RANBP2: variants seen among roughly 807,000 people sequenced by gnomAD.
The protein encoded by RANBP2 is RAN binding protein 2.
RANBP2 carries 57 observed loss-of-function variants against 303.6 expected under a neutral mutation model. The ratio of observed to expected loss-of-function variants is 0.19; its 90% CI spans 0.15 to 0.23. RANBP2 has a LOEUF of 0.23. Among genes scored for constraint, RANBP2 ranks in the 10% least tolerant of loss-of-function variants. The probability of loss-of-function intolerance (pLI) is 1.00; values close to 1 mark genes in which losing one functional copy is unlikely to be tolerated. For synonymous variants in RANBP2, 1,167 were observed against 1,301.5 expected (o/e 0.90, Z 2.23); for missense variants, 3,138 against 3,780.8 (o/e 0.83, Z 4.46).
chr2:108,811,383 T>G, the RANBP2 span, among the ~76,000 whole-genome samples: 2 of 151,746 alleles, frequency 1.3e-5, no homozygotes, highest in African/African-American at 4.8e-5. Context: ...TAGCTGGGAC[T>G]GCAGGCATGC....
the RANBP2 span, among the ~76,000 whole-genome samples, chr2:109,402,670 G>A: frequency 6.6e-6 from 1 of 152,212 alleles, no homozygotes; most frequent in African/African-American, 2.4e-5. Flanking sequence ...TGACTGACAG[G>A]ATGAATTCTT....
At chr2:109,269,803 A>C in the RANBP2 span, among the ~76,000 whole-genome samples, 1 of 152,164 alleles carries the variant, frequency 6.6e-6, no homozygotes. Context: ...ATAGTTACCA[A>C]GATACTTGTG....
chr2:109,056,285 G>T, the RANBP2 span, among the ~76,000 whole-genome samples: 2 of 152,262 alleles, frequency 1.3e-5, no homozygotes, highest in Non-Finnish European at 2.9e-5. Flanking sequence ...TCCTGCCTCA[G>T]CCTGTGGAGT....
the RANBP2 span, among the ~76,000 whole-genome samples, chr2:109,063,436 C>T: frequency 6.6e-6 from 1 of 152,186 alleles, no homozygotes; most frequent in Non-Finnish European, 1.5e-5. Flanking sequence ...GCCTTTCCTT[C>T]AGCAGGCATG....
the RANBP2 span, among the ~76,000 whole-genome samples, chr2:108,832,075 G>T: frequency 1.3e-5 from 2 of 151,462 alleles, no homozygotes; most frequent in Non-Finnish European, 2.9e-5. Context: ...TGTCGCCCAG[G>T]CTGGAGTGCA....
Position 108,751,145 on chromosome 2 carries a change from G to T in RANBP2, c.1274-119G>T, listed in dbSNP as rs1573767329. 38 of 1,511,494 alleles carry T rather than the reference G, an allele frequency of 2.5e-5. No homozygotes were observed. The East Asian group carries it at 8.8e-4, about 35-fold the overall frequency. 93.6% of individuals were successfully genotyped at this position (1,511,494 alleles called of 1,614,324 possible). A position where few individuals can be genotyped will look rare whatever the true frequency, so the allele number is the denominator to read the frequency against. On this transcript the variant is annotated intron_variant, in intron 9 of 28. Coordinates refer to ENST00000283195, the MANE Select transcript of RANBP2 (RefSeq NM_006267.5). Reference sequence around the variant, plus strand: ...CTAACATAGAATTCCCTTCAGCTTTGATATAGAAAAGCAGTTATATAATTA... The same window carrying T: ...CTAACATAGAATTCCCTTCAGCTTTTATATAGAAAAGCAGTTATATAATTA...
At chr2:109,741,463 A>T in the RANBP2 span, among the ~76,000 whole-genome samples, 24 of 149,110 alleles carry the variant, frequency 1.6e-4, no homozygotes, top group African/African-American at 4.7e-4. Context: ...CCACGCCTGT[A>T]ATCCCAGCAT....
chr2:109,431,544 T>C, the RANBP2 span, among the ~76,000 whole-genome samples: 1 of 152,328 alleles, frequency 6.6e-6, no homozygotes, highest in Admixed American at 6.5e-5. Flanking sequence ...ATCTAAACCC[T>C]AAGCTGGGAT....
At chr2:108,742,767 C>T (rs1696215289) in intron 7 of RANBP2, among the ~76,000 whole-genome samples, 1 of 152,066 alleles carries the variant, frequency 6.6e-6, no homozygotes, top group South Asian at 2.1e-4. Context: ...TATAGAAATT[C>T]TCAAGTAACT....
the RANBP2 span, among the ~76,000 whole-genome samples, chr2:109,383,999 C>A: frequency 6.6e-6 from 1 of 152,216 alleles, no homozygotes; most frequent in Non-Finnish European, 1.5e-5. Flanking sequence ...TGGCCCCTCA[C>A]AAATGAAGGC....
chr2:108,766,987 C>T lies in RANBP2; in HGVS notation c.6448C>T (p.Pro2150Ser), dbSNP rs764072447. The part of the protein sequence containing the change: ...EECQRLLLDI[P>S]LQTPHKLVDT... ...ATGCCAGCGGCTTCTGTTAGACATA[C>T]CACTTCAAACTCCCCATAAACTTGT... is the stretch of plus-strand genomic sequence containing the variant. Residue 2150 changes from proline to serine, a missense_variant, in exon 20 of 29, where the codon CCA (proline) becomes TCA (serine). Physicochemically the swap from Pro to Ser is moderately conservative, Grantham distance 74 (BLOSUM62 -1). This residue lies in a region of RANBP2 where 103 missense variants were observed against 214.3 expected (regional missense o/e 0.48). Transcript: ENST00000283195. 27 of 1,609,210 alleles carry T rather than the reference C, an allele frequency of 1.7e-5. No homozygotes were observed. Among genetic ancestry groups the T allele is most frequent in the Non-Finnish European group, 2.3e-5 (27 of 1,179,832 alleles).
At chr2:109,080,569 A>G in the RANBP2 span, among the ~76,000 whole-genome samples, 5 of 152,194 alleles carry the variant, frequency 3.3e-5, no homozygotes, top group African/African-American at 1.2e-4. Context: ...TGGACAGGAC[A>G]TCTACAAATG....
At chr2:108,959,993 GC>G in the RANBP2 span, among the ~76,000 whole-genome samples, 1 of 152,204 alleles carries the variant, frequency 6.6e-6, no homozygotes, top group Non-Finnish European at 1.5e-5. Context: ...CTAGTCTGCA[GC>G]CACTCAGTCA....
chr2:109,293,282 C>T, the RANBP2 span, among the ~76,000 whole-genome samples: 81 of 151,880 alleles, frequency 5.3e-4, no homozygotes, highest in African/African-American at 1.8e-3. Flanking sequence ...CTAAAAATAC[C>T]CAGCACTGCA....
the RANBP2 span, among the ~76,000 whole-genome samples, chr2:108,975,457 C>A: frequency 3.9e-5 from 6 of 152,152 alleles, no homozygotes; most frequent in Admixed American, 2.0e-4. Context: ...GAGAGCAAGA[C>A]CTGCGTCTAC....
downstream of RANBP2, chr2:108,788,987 A>G: frequency 6.2e-7 from 1 of 1,613,138 alleles, no homozygotes; most frequent in Non-Finnish European, 8.5e-7. Flanking sequence ...CTGAAACTTT[A>G]CTGTTGCTAC....
chr2:109,255,973 G>T, the RANBP2 span, among the ~76,000 whole-genome samples: 3,020 of 152,310 alleles, frequency 0.02, 110 homozygotes, highest in African/African-American at 0.068. Context: ...GGATGCACCT[G>T]TCCCCTGAGG....
chr2:109,031,685 C>T, the RANBP2 span, among the ~76,000 whole-genome samples: 2 of 152,174 alleles, frequency 1.3e-5, no homozygotes, highest in Non-Finnish European at 2.9e-5. Flanking sequence ...TCAGCGTCGG[C>T]CACGTGGGCC....
At chr2:109,490,515 C>A in the RANBP2 span, 1 of 1,069,572 alleles carries the variant, frequency 9.3e-7, no homozygotes, top group Non-Finnish European at 1.2e-6. Context: ...AAATAAAGTT[C>A]CACATAGGAA....
Sources: gnomAD v4.1 joint callset for allele counts (sites outside exome capture counted in the v4.1 genomes callset) on GRCh38, gnomAD v4.1.1 for gene constraint, gnomAD v4.1.1 regional missense constraint, MANE v1.5 for transcripts, NCBI Gene and HGNC (gene_info 2026-07-23, HGNC 2026-07-21) for gene names.